IL22RA1: variants seen among roughly 807,000 people sequenced by gnomAD.
IL22RA1 encodes the protein interleukin 22 receptor subunit alpha 1, also known as interleukin-22 receptor subunit alpha-1.
Under a neutral mutation model 32.8 loss-of-function variants are expected in IL22RA1, and 25 were observed. The ratio of observed to expected loss-of-function variants is 0.76; its 90% CI spans 0.55 to 1.06. The LOEUF (loss-of-function observed/expected upper bound fraction) is 1.06, where lower values mean the gene tolerates loss of function less well. Ranked by LOEUF, IL22RA1 falls within the 50% of genes least tolerant of loss-of-function variation. The pLI is 0.00. For missense variants in IL22RA1, 709 were observed against 727.4 expected (o/e 0.97, Z 0.29); for synonymous variants, 305 against 305.0 (o/e 1.00, Z 0.00).
intron 1 of IL22RA1, among the ~76,000 whole-genome samples, chr1:24,141,065 C>A (rs1407980403): frequency 6.6e-6 from 1 of 152,248 alleles, no homozygotes; most frequent in African/African-American, 2.4e-5. Context: ...GAAGGCTGCC[C>A]TCCTCTCTGA....
chr1:24,122,310 C>T (rs1251402219), intron 6 of IL22RA1, among the ~76,000 whole-genome samples: 3 of 147,218 alleles, frequency 2.0e-5, no homozygotes, highest in African/African-American at 7.6e-5. Flanking sequence ...GCGGCACTGG[C>T]GTCAGGTGGG....
intron 4 of IL22RA1, among the ~76,000 whole-genome samples, chr1:24,130,776 C>G (rs1644198868): frequency 6.6e-6 from 1 of 152,200 alleles, no homozygotes; most frequent in Admixed American, 6.5e-5. Context: ...GCAATCTCAG[C>G]TCACTGCAAC....
At position 24,138,709 on chromosome 1, in the gene IL22RA1, C is replaced by T. The variant is rs141565535; in HGVS notation, c.49G>A (p.Ala17Thr). Residue 17 changes from alanine to threonine, a missense_variant, in exon 2 of 7, where the codon GCC (alanine) becomes ACC (threonine). Coordinates refer to ENST00000270800, the MANE Select transcript of IL22RA1 (RefSeq NM_021258.4). ...ILTVGSLAAH[A>T]PEDPSDLLQH... ...AGCAGATCCGAGGGGTCCTCAGGGG[C>T]GTGAGCTGCAGGAGGGTGGGAGGAG... 25 of 1,613,936 alleles carry T rather than the reference C, an allele frequency of 1.5e-5. No individual in the cohort carries two copies. In the South Asian group the frequency reaches 2.3e-4, roughly 15 times the overall value.
Position 24,134,090 on chromosome 1 carries a change from A to G in IL22RA1, c.531+121T>C, listed in dbSNP as rs558448272. On this transcript the variant is annotated intron_variant, in intron 4 of 6. Transcript: ENST00000270800. ...GGCTTCAAGGAGCCTCTCAAGGGACATGTTTTGGGAAATGCTAATTTACAT... is the reference window on the plus strand; with the variant it reads ...GGCTTCAAGGAGCCTCTCAAGGGACGTGTTTTGGGAAATGCTAATTTACAT... The G allele has an allele frequency of 2.8e-5, 21 of 738,272 alleles. No homozygotes were observed. The East Asian group carries it at 6.2e-4, about 22-fold the overall frequency. 45.7% of individuals were successfully genotyped at this position (738,272 alleles called of 1,614,324 possible). A position where few individuals can be genotyped will look rare whatever the true frequency, so the allele number is the denominator to read the frequency against.
In IL22RA1 at chr1:24,128,292, G is replaced by T. The variant is rs761162614; in HGVS notation, c.532-13C>A. 12 of 1,613,326 alleles carry T rather than the reference G, an allele frequency of 7.4e-6. No individual in the cohort carries two copies. In the African/African-American group the frequency reaches 1.5e-4, roughly 20 times the overall value. ...TCCCTCCAAGGTGCTGAATTGGACA[G>T]AGAATGGAATGTGATTCCTGTTACA... On this transcript the variant is annotated splice_polypyrimidine_tract_variant and intron_variant, in intron 4 of 6. Transcript: ENST00000270800.
At chr1:24,136,405 CT>C (rs1644242742) in intron 3 of IL22RA1, among the ~76,000 whole-genome samples, 1 of 152,120 alleles carries the variant, frequency 6.6e-6, no homozygotes, top group Non-Finnish European at 1.5e-5. Context: ...AGCGTGTGAT[CT>C]GAGCGATGAA....
intron 6 of IL22RA1, among the ~76,000 whole-genome samples, chr1:24,122,021 G>C (rs1333414922): frequency 6.6e-6 from 1 of 152,168 alleles, no homozygotes; most frequent in Non-Finnish European, 1.5e-5. Context: ...GGGAGTAGAT[G>C]ACCAGGATTT....
At position 24,142,904 on chromosome 1, in the gene IL22RA1, C is replaced by T. The variant is rs573117196; in HGVS notation, c.43+136G>A. 16 of 834,596 alleles carry T rather than the reference C, an allele frequency of 1.9e-5. No individual in the cohort carries two copies. The East Asian group carries it at 2.4e-4, about 13-fold the overall frequency. 51.7% of individuals were successfully genotyped at this position (834,596 alleles called of 1,614,324 possible). A position where few individuals can be genotyped will look rare whatever the true frequency, so the allele number is the denominator to read the frequency against. The stretch of plus-strand genomic sequence containing the variant: ...GGGCATTTGCTTCTCCGTGAACACC[C>T]GGCACCCTGCTCAGCCCTAGCAGGG... On this transcript the variant is annotated intron_variant, in intron 1 of 6. Transcript: ENST00000270800.
At chr1:24,137,103 C>T in intron 3 of IL22RA1, 28 bp downstream of exon 3, 2 of 1,595,776 alleles carry the variant, frequency 1.3e-6, no homozygotes, top group Non-Finnish European at 1.7e-6. Flanking sequence ...TCTTCCCTCC[C>T]CTGAAACCCA....
chr1:24,132,834 C>T (rs1392165747), intron 4 of IL22RA1, among the ~76,000 whole-genome samples: 1 of 151,436 alleles, frequency 6.6e-6, no homozygotes, highest in Non-Finnish European at 1.5e-5. Context: ...GGCCCCGTCT[C>T]TCTTTTTTTT....
At chr1:24,140,029 T>C (rs143285572) in intron 1 of IL22RA1, among the ~76,000 whole-genome samples, 2 of 152,330 alleles carry the variant, frequency 1.3e-5, no homozygotes, top group East Asian at 3.9e-4. Context: ...GAACTTCAAT[T>C]GCCTCATCTC....
At chr1:24,132,804 C>T (rs1489040553) in intron 4 of IL22RA1, among the ~76,000 whole-genome samples, 1 of 151,480 alleles carries the variant, frequency 6.6e-6, no homozygotes, top group African/African-American at 2.4e-5. Flanking sequence ...AGTTTGAGAC[C>T]AGCCTGGGCA....
chr1:24,129,409 C>T (rs555878466), intron 4 of IL22RA1, among the ~76,000 whole-genome samples: 3 of 152,370 alleles, frequency 2.0e-5, no homozygotes, highest in East Asian at 3.9e-4. Context: ...ATCTCTAAGT[C>T]AACATGTCCG....
At chr1:24,136,989 C>G in intron 3 of IL22RA1, 142 bp downstream of exon 3, 1 of 751,914 alleles carries the variant, frequency 1.3e-6, no homozygotes, top group Non-Finnish European at 2.1e-6. Context: ...TCCCTAAAAG[C>G]CACATCCCCA....
In IL22RA1 at chr1:24,137,149, A is replaced by C; in HGVS notation, c.337T>G (p.Phe113Val). The stretch of plus-strand genomic sequence containing the variant: ...AACTCACTGTGCTGCAGAGAGCTGA[A>C]CCTGTCAGTCATCTTGGTGGCTGAC... ...GRSATKMTDR[F>V]SSLQHTTLKP... Residue 113 changes from phenylalanine to valine, a missense_variant, in exon 3 of 7, where the codon TTC (phenylalanine) becomes GTC (valine). Transcript: ENST00000270800. 6.2e-7 allele frequency: 1 copy of C among 1,613,462 alleles called. No homozygotes were observed. Among genetic ancestry groups the C allele is most frequent in the Non-Finnish European group, 8.5e-7 (1 of 1,179,716 alleles).
intron 5 of IL22RA1, among the ~76,000 whole-genome samples, chr1:24,123,836 G>A (rs1017292039): frequency 2.6e-5 from 4 of 151,740 alleles, no homozygotes; most frequent in Non-Finnish European, 2.9e-5. Context: ...GGGCCCTCAC[G>A]CACATGTGTA....
intron 2 of IL22RA1, among the ~76,000 whole-genome samples, chr1:24,137,562 G>A (rs954608884): frequency 2.7e-5 from 4 of 149,312 alleles, no homozygotes; most frequent in African/African-American, 1.0e-4. Context: ...TGTCACTCAG[G>A]CTGGAGTGCA....
In IL22RA1 at chr1:24,120,961, C is replaced by T. The variant is rs756853670; in HGVS notation, c.1569G>A (p.Ser523=). 1.9e-5 allele frequency: 31 copies of T among 1,614,162 alleles called. No homozygotes were observed. The highest frequency in any genetic ancestry group is 3.3e-5 in the South Asian group (3 of 91,072). The change falls in exon 7 of 7, where the codon TCG becomes TCA. Residue 523 remains serine, a synonymous_variant. Transcript: ENST00000270800. ...LQPPSRPCSP[S]DQGPSPWGLL... is the part of the protein sequence containing the mutation. The stretch of plus-strand genomic sequence containing the variant: ...GGCCCCAGGGACTTGGACCTTGGTC[C>T]GAGGGGGAACATGGACGGGAAGGAG...
intron 6 of IL22RA1, among the ~76,000 whole-genome samples, chr1:24,122,407 G>A (rs550271855): frequency 2.0e-5 from 3 of 151,666 alleles, no homozygotes; most frequent in South Asian, 2.1e-4. Context: ...TTTTTTGGGT[G>A]GGGGGTGGTT....
Sources: gnomAD v4.1 joint callset for allele counts (sites outside exome capture counted in the v4.1 genomes callset) on GRCh38, gnomAD v4.1.1 for gene constraint, MANE v1.5 for transcripts, NCBI Gene and HGNC (gene_info 2026-07-23, HGNC 2026-07-21) for gene names.